MMP20: variants seen among roughly 807,000 people sequenced by gnomAD.
MMP20 encodes the protein matrix metallopeptidase 20.
MMP20 carries 50 observed loss-of-function variants against 51.8 expected under a neutral mutation model. The ratio of observed to expected loss-of-function variants is 0.97; its 90% CI spans 0.77 to 1.22. The LOEUF (loss-of-function observed/expected upper bound fraction) is 1.22. MMP20 is among the 50% of genes most tolerant of loss of function. The pLI, the probability that MMP20 is intolerant of heterozygous loss-of-function variation, is 0.00. For synonymous variants in MMP20, 244 were observed against 216.2 expected (o/e 1.13, Z -1.13); for missense variants, 663 against 601.4 (o/e 1.10, Z -1.07).
chr11:102,611,962 TTA>T, intron 2 of MMP20, 59 bp from the exon 3 acceptor site: 1 of 1,493,716 alleles, frequency 6.7e-7, no homozygotes, highest in Non-Finnish European at 9.3e-7. Context: ...AAGGCAAGAA[TTA>T]TATGTTGTAT....
Position 102,617,191 on chromosome 11 carries a change from T to A in MMP20, c.127-132A>T. The A allele has an allele frequency of 7.2e-6, 8 of 1,112,318 alleles. No homozygotes were observed. The South Asian group carries it at 9.5e-5, about 13-fold the overall frequency. 68.9% of individuals were successfully genotyped at this position (1,112,318 alleles called of 1,614,324 possible). On this transcript the variant is annotated intron_variant, in intron 1 of 9. Transcript: ENST00000260228. The stretch of plus-strand genomic sequence containing the variant: ...AGTATTTTCCCATTTATGAAAAAAG[T>A]AGACATATTTGTTTACATAAAGCTT...
At chr11:102,620,776 G>T (rs908573276) in intron 1 of MMP20, among the ~76,000 whole-genome samples, 15 of 152,112 alleles carry the variant, frequency 9.9e-5, no homozygotes, top group Admixed American at 2.0e-4. Context: ...TCACTGTCAG[G>T]TTCCAGGATC....
At chr11:102,617,921 G>A (rs796770140) in intron 1 of MMP20, among the ~76,000 whole-genome samples, 5 of 152,252 alleles carry the variant, frequency 3.3e-5, no homozygotes, top group African/African-American at 1.2e-4. Flanking sequence ...GCAGCTAAGG[G>A]TTCAGTCCTC....
At position 102,579,077 on chromosome 11, in the gene MMP20, C is replaced by G. The variant is rs61753770; in HGVS notation, c.1313G>C (p.Gly438Ala). The G allele has an allele frequency of 5.0e-3, 7,996 of 1,613,742 alleles. 34 individuals carry two copies. The highest frequency in any genetic ancestry group is 5.5e-3 in the Non-Finnish European group (6,516 of 1,179,704). Residue 438 changes from glycine (G) to alanine (A), a missense_variant, in exon 9 of 10, where the codon GGA becomes GCA. Transcript: ENST00000260228. Reference protein sequence around the residue: ...YPKNTEEEFSGVNGQIDAAVE... With the variant: ...YPKNTEEEFSAVNGQIDAAVE... ...AGCAGCATCGATTTGGCCATTTACT[C>G]CTGAAAATTCTTCTTCAGTATTCTT...
chr11:102,599,936 C>T (rs1291369702), intron 6 of MMP20, among the ~76,000 whole-genome samples: 1 of 152,134 alleles, frequency 6.6e-6, no homozygotes, highest in Admixed American at 6.5e-5. Context: ...TGTTTGTACC[C>T]ATCTGAAGAG....
chr11:102,593,535 T>C lies in MMP20; in HGVS notation c.1151A>G (p.Asp384Gly). 2 of 1,614,098 alleles carry C rather than the reference T, an allele frequency of 1.2e-6. No individual in the cohort carries two copies. The highest frequency in any genetic ancestry group is 1.7e-6 in the Non-Finnish European group (2 of 1,179,976). Reference protein sequence around the residue: ...QMQGPPRTIYDFGFPRHVQQI... With the variant: ...QMQGPPRTIYGFGFPRHVQQI... Reference sequence around the variant, plus strand: ...CTGCACGTGCCTTGGAAATCCAAAGTCATAAATAGTCCGAGGAGGACCTTG... The same window carrying C: ...CTGCACGTGCCTTGGAAATCCAAAGCCATAAATAGTCCGAGGAGGACCTTG... The change falls in exon 8 of 10, where the codon GAC becomes GGC. Residue 384 changes from aspartate (D) to glycine (G), a missense_variant. Transcript: ENST00000260228.
intron 2 of MMP20, among the ~76,000 whole-genome samples, chr11:102,612,462 T>G (rs1859614748): frequency 6.6e-6 from 1 of 152,108 alleles, no homozygotes; most frequent in Non-Finnish European, 1.5e-5. Context: ...GAGACTTCAC[T>G]CAAAAATAAT....
chr11:102,578,898 A>G, intron 9 of MMP20, 141 bp downstream of exon 9: 1 of 676,306 alleles, frequency 1.5e-6, no homozygotes, highest in Non-Finnish European at 2.7e-6. Context: ...CAATCTGTTT[A>G]GATAAACTTA....
chr11:102,579,215 C>T lies in MMP20; in HGVS notation c.1248-73G>A, dbSNP rs1362147684. 9 of 1,005,358 alleles carry T rather than the reference C, an allele frequency of 9.0e-6. No homozygotes were observed. The Admixed American group carries it at 1.7e-4, about 19-fold the overall frequency. 62.3% of individuals were successfully genotyped at this position (1,005,358 alleles called of 1,614,324 possible). A position where few individuals can be genotyped will look rare whatever the true frequency, so the allele number is the denominator to read the frequency against. On this transcript the variant is annotated intron_variant, in intron 8 of 9. Coordinates refer to ENST00000260228, the MANE Select transcript of MMP20 (RefSeq NM_004771.4). ...TGGTTGTAGATGACACTATACTGGT[C>T]AGGCATATGGACACATAACTTATTT...
chr11:102,608,841 A>G, intron 5 of MMP20, 96 bp downstream of exon 5: 1 of 1,293,902 alleles, frequency 7.7e-7, no homozygotes, highest in Non-Finnish European at 1.1e-6. Flanking sequence ...TTCTAGATTG[A>G]TCTTTACCAA....
intron 2 of MMP20, among the ~76,000 whole-genome samples, chr11:102,614,832 A>T (rs1463222784): frequency 1.3e-5 from 2 of 151,902 alleles, no homozygotes; most frequent in African/African-American, 4.8e-5. Context: ...GATTTGCATG[A>T]CTTGCTGATT....
intron 5 of MMP20, 21 bp downstream of exon 5, chr11:102,608,916 C>T (rs750939110): frequency 2.5e-6 from 4 of 1,613,136 alleles, no homozygotes; most frequent in Non-Finnish European, 3.4e-6. Flanking sequence ...GGTGAGTCAT[C>T]AAAGAAGGTA....
chr11:102,592,132 C>T (rs1017953585), intron 8 of MMP20, among the ~76,000 whole-genome samples: 7 of 152,218 alleles, frequency 4.6e-5, no homozygotes, highest in East Asian at 1.9e-4. Flanking sequence ...TACCTATCTT[C>T]CTGTATATCT....
At chr11:102,599,139 A>T (rs1231506867) in intron 6 of MMP20, among the ~76,000 whole-genome samples, 1 of 151,734 alleles carries the variant, frequency 6.6e-6, no homozygotes, top group Non-Finnish European at 1.5e-5. Context: ...CAGCCTCCCA[A>T]GTAGCAGGGA....
rs1168517234 is a variant in MMP20, at chr11:102,601,125, CTTTTTTTTT to C, written c.953+5401_953+5409del. ...AAATGACCACGAAGTGTCGGCTATTCTTTTTTTTTTTTTTTTTTTTTTTTTGAGACGGAG... is the reference window on the plus strand; with the variant it reads ...AAATGACCACGAAGTGTCGGCTATTCTTTTTTTTTTTTTTTTGAGACGGAG... On this transcript the variant is annotated intron_variant, in intron 6 of 9. Transcript: ENST00000260228. 2.8e-4 allele frequency among the ~76,000 whole-genome samples: 8 copies of C among 28,252 alleles called. 1 individual carries two copies. The highest frequency in any genetic ancestry group is 1.4e-3 in the African/African-American group (8 of 5,844). 18.5% of individuals were successfully genotyped at this position (28,252 alleles called of 152,430 possible). A position where few individuals can be genotyped will look rare whatever the true frequency, so the allele number is the denominator to read the frequency against.
chr11:102,610,740 G>A (rs1167059384), intron 3 of MMP20, among the ~76,000 whole-genome samples: 1 of 151,580 alleles, frequency 6.6e-6, no homozygotes, highest in African/African-American at 2.4e-5. Flanking sequence ...ATCTTAGTAA[G>A]GATACCCAGT....
At chr11:102,585,767 C>A (rs74432894) in intron 8 of MMP20, among the ~76,000 whole-genome samples, 3 of 152,104 alleles carry the variant, frequency 2.0e-5, no homozygotes, top group African/African-American at 7.2e-5. Context: ...GATTTGAAAA[C>A]GGTTATTTTT....
chr11:102,617,696 T>C (rs1859692569), intron 1 of MMP20, among the ~76,000 whole-genome samples: 1 of 152,224 alleles, frequency 6.6e-6, no homozygotes, highest in African/African-American at 2.4e-5. Flanking sequence ...CTTTGTCTCT[T>C]GAAGCAAATA....
intron 6 of MMP20, among the ~76,000 whole-genome samples, chr11:102,596,732 G>T (rs1278472473): frequency 1.3e-5 from 2 of 152,206 alleles, no homozygotes; most frequent in African/African-American, 4.8e-5. Flanking sequence ...CTGCCTTGAG[G>T]TTAGTCACAT....
Sources: allele counts gnomAD v4.1 joint callset (sites outside exome capture counted in the v4.1 genomes callset), GRCh38; gene constraint gnomAD v4.1.1; transcripts MANE v1.5; gene names NCBI Gene and HGNC (gene_info 2026-07-23, HGNC 2026-07-21).